The following SLC12A2 variants were observed in gnomAD, a reference collection of about 807,000 sequenced individuals.
SLC12A2 encodes the protein solute carrier family 12 member 2, also known as Na-K-2Cl cotransporter 1.
Under a neutral mutation model 136.3 loss-of-function variants are expected in SLC12A2, and 67 were observed. The observed-to-expected ratio is 0.49, with a 90% CI of 0.40 to 0.60. The LOEUF is 0.60. Ranked by LOEUF, SLC12A2 falls within the 20% of genes least tolerant of loss-of-function variation. The pLI, the probability that SLC12A2 is intolerant of heterozygous loss-of-function variation, is 0.00. For missense variants in SLC12A2, 1,322 were observed against 1,534.7 expected (o/e 0.86, Z 2.32); for synonymous variants, 619 against 562.9 (o/e 1.10, Z -1.41).
Position 128,084,136 on chromosome 5 carries a change from C to T in SLC12A2, c.182C>T (p.Pro61Leu), listed in dbSNP as rs1314538214. ...GGCGGCGGGGTCCGCGATGAGGGCC[C>T]CGCGGCGGCCGGGGACGGGCTGGGC... ...RDGGGVRDEG[P>L]AAAGDGLGRP... Residue 61 changes from proline to leucine, a missense_variant, in exon 1 of 27, where the codon CCC (proline) becomes CTC (leucine). This residue lies in a region of SLC12A2 where 358 missense variants were observed against 299.7 expected (regional missense o/e 1.19). Coordinates refer to ENST00000262461, the MANE Select transcript of SLC12A2 (RefSeq NM_001046.3). This position sits in a 1 kb window ranked among gnomAD's most constrained non-coding sequence, Gnocchi z 5.6. The T allele has an allele frequency of 1.5e-5, 19 of 1,297,288 alleles. No homozygotes were observed. Among genetic ancestry groups the T allele is most frequent in the Middle Eastern group, 3.0e-4 (1 of 3,354 alleles). The allele number at this position is 1,297,288 out of a possible 1,614,324, so 80.4% of individuals were successfully genotyped here.
chr5:128,181,914 T>C (rs892981685), intron 23 of SLC12A2, among the ~76,000 whole-genome samples: 8 of 152,028 alleles, frequency 5.3e-5, no homozygotes, highest in African/African-American at 1.9e-4. Flanking sequence ...TTCTTCATAG[T>C]GCCTTTCCTA....
chr5:128,179,203 T>C (rs1008516039), intron 22 of SLC12A2, among the ~76,000 whole-genome samples: 3 of 152,252 alleles, frequency 2.0e-5, no homozygotes, highest in African/African-American at 7.2e-5. Flanking sequence ...GAGGGATTAC[T>C]CTGAGACTAT....
rs750226853 is a variant in SLC12A2 at position 128,084,538 on chromosome 5, A to G, written c.584A>G (p.His195Arg). ...LHSGGGGGSGHHQHYYYDTHT... is the reference protein window; with the variant it reads ...LHSGGGGGSGRHQHYYYDTHT... The stretch of plus-strand genomic sequence containing the variant: ...TCCGGCGGCGGCGGCGGCAGTGGGC[A>G]CCACCAGCACTACTATTATGATACC... Residue 195 changes from histidine to arginine, a missense_variant, in exon 1 of 27, where the codon CAC becomes CGC. Physicochemically the swap from His to Arg is conservative, Grantham distance 29. Transcript: ENST00000262461. This position sits in a 1 kb window ranked among gnomAD's most constrained non-coding sequence, Gnocchi z 5.6. 9.3e-6 allele frequency: 15 copies of G among 1,613,628 alleles called. 1 individual carries two copies. The South Asian group carries it at 1.3e-4, about 14-fold the overall frequency.
At chr5:128,113,316 G>A (rs1354975591) in intron 2 of SLC12A2, among the ~76,000 whole-genome samples, 2 of 152,180 alleles carry the variant, frequency 1.3e-5, no homozygotes, top group East Asian at 1.9e-4. Context: ...AAATATGCCT[G>A]CTTCCTTTCA....
Position 128,084,908 on chromosome 5 carries a change from G to A in SLC12A2, c.756+198G>A, listed in dbSNP as rs1322643675. The stretch of plus-strand genomic sequence containing the variant: ...CTCTCAAAAGTTTGTAGCGGGTTTG[G>A]CTAGTTACGTGATACCGGAGGGCTG... On this transcript the variant is annotated intron_variant, in intron 1 of 26. Transcript: ENST00000262461. The surrounding 1 kb of genome is among the most constrained non-coding windows in gnomAD (Gnocchi z 5.6). 1.3e-5 allele frequency among the ~76,000 whole-genome samples: 2 copies of A among 151,006 alleles called. No homozygotes were observed. The highest frequency in any genetic ancestry group is 2.9e-5 in the Non-Finnish European group (2 of 67,852).
intron 22 of SLC12A2, 57 bp downstream of exon 22, chr5:128,178,746 T>G: frequency 3.2e-5 from 44 of 1,355,550 alleles, no homozygotes; most frequent in Admixed American, 5.3e-5. Flanking sequence ...GTGAGAATAG[T>G]AAGAAATGAC....
At chr5:128,151,524 A>C in intron 14 of SLC12A2, 128 bp downstream of exon 14, 2 of 807,946 alleles carry the variant, frequency 2.5e-6, no homozygotes, top group South Asian at 4.4e-5. Flanking sequence ...CTTTGTATAA[A>C]ACCTAAAATA....
intron 24 of SLC12A2, among the ~76,000 whole-genome samples, chr5:128,183,802 T>A (rs1209547067): frequency 6.6e-6 from 1 of 152,018 alleles, no homozygotes; most frequent in Non-Finnish European, 1.5e-5. Context: ...CTCAAAGGGA[T>A]CATGTTAGCT....
At chr5:128,184,710 TGTCTCCTTA>T in intron 25 of SLC12A2, 70 bp from the exon 26 acceptor site, 1 of 1,591,042 alleles carries the variant, frequency 6.3e-7, no homozygotes, top group African/African-American at 1.4e-5. Flanking sequence ...AGTTTCTTTT[TGTCTCCTTA>T]TAGTTTTATG....
At chr5:128,165,845 A>G (rs899127455) in intron 17 of SLC12A2, among the ~76,000 whole-genome samples, 1 of 151,726 alleles carries the variant, frequency 6.6e-6, no homozygotes, top group African/African-American at 2.4e-5. Flanking sequence ...ACCATTAAGA[A>G]GGTACTGGTT....
At chr5:128,128,122 T>A (rs552056519) in intron 4 of SLC12A2, among the ~76,000 whole-genome samples, 71 of 152,308 alleles carry the variant, frequency 4.7e-4, no homozygotes, top group East Asian at 1.2e-3. Context: ...TATTTAGGGA[T>A]CTTTCATGCA....
rs116621105 is a variant in SLC12A2, at chr5:128,131,145, A to G, written c.1127A>G (p.Asn376Ser). The G allele has an allele frequency of 6.8e-6, 11 of 1,614,134 alleles. No homozygotes were observed. Among genetic ancestry groups the G allele is most frequent in the African/African-American group, 1.3e-5 (1 of 75,032 alleles). Residue 376 changes from asparagine (N) to serine (S), a missense_variant, in exon 5 of 27, where the codon AAC (asparagine) becomes AGC (serine). By Grantham distance (46) the Asn-to-Ser change is conservative (BLOSUM62 1). Coordinates refer to ENST00000262461, the MANE Select transcript of SLC12A2 (RefSeq NM_001046.3). ...GAIGLIFAFANAVAVAMYVVG... is the reference protein window; with the variant it reads ...GAIGLIFAFASAVAVAMYVVG... Reference sequence around the variant, plus strand: ...ATTGGTCTAATCTTCGCCTTTGCCAACGCTGTTGCAGTTGCTATGTATGTG... The same window carrying G: ...ATTGGTCTAATCTTCGCCTTTGCCAGCGCTGTTGCAGTTGCTATGTATGTG...
chr5:128,088,565 TTGTG>T (rs61198548), intron 1 of SLC12A2, among the ~76,000 whole-genome samples: 14,947 of 151,988 alleles, frequency 0.098, 1,089 homozygotes, highest in East Asian at 0.25. Context: ...TGTTTGTTTT[TTGTG>T]TGTGTGTTTT....
intron 17 of SLC12A2, among the ~76,000 whole-genome samples, chr5:128,165,920 C>A (rs76980152): frequency 2.5e-4 from 1 of 4,006 alleles, no homozygotes; most frequent in Non-Finnish European, 4.1e-4. Flanking sequence ...CTTTTACCTC[C>A]CCCCCCCCCC....
At chr5:128,135,632 C>A in intron 6 of SLC12A2, 68 bp from the exon 7 acceptor site, 1 of 1,036,290 alleles carries the variant, frequency 9.6e-7, no homozygotes, top group Non-Finnish European at 1.5e-6. Flanking sequence ...AAGTTATATT[C>A]TAGGGGAATT....
chr5:128,110,932 C>T (rs1248278904), intron 1 of SLC12A2: 3 of 891,168 alleles, frequency 3.4e-6, no homozygotes, highest in African/African-American at 3.3e-5. Context: ...AAGGGTAGAA[C>T]CACAGACTGA....
chr5:128,152,538 T>G (rs1474265541), intron 14 of SLC12A2, among the ~76,000 whole-genome samples, 168 bp from the exon 15 acceptor site: 1 of 152,256 alleles, frequency 6.6e-6, no homozygotes, highest in Non-Finnish European at 1.5e-5. Context: ...GTTCAGATTA[T>G]CAGTCTTAAT....
At chr5:128,174,771 C>T (rs1194627481) in intron 20 of SLC12A2, 105 bp downstream of exon 20, 6 of 898,296 alleles carry the variant, frequency 6.7e-6, no homozygotes, top group Non-Finnish European at 7.9e-6. Flanking sequence ...TGTTCTCAAA[C>T]TTGTACTGGT....
intron 4 of SLC12A2, among the ~76,000 whole-genome samples, chr5:128,123,246 A>G (rs1257729537): frequency 6.6e-6 from 1 of 152,130 alleles, no homozygotes; most frequent in Admixed American, 6.5e-5. Context: ...GGAAGATTCC[A>G]TGTTTGTCAC....
Sources: gnomAD v4.1 joint callset for allele counts (sites outside exome capture counted in the v4.1 genomes callset) on GRCh38, gnomAD v4.1.1 for gene constraint, gnomAD v4.1.1 regional missense constraint, Gnocchi (gnomAD v3.1) non-coding constraint, MANE v1.5 for transcripts, NCBI Gene and HGNC (gene_info 2026-07-23, HGNC 2026-07-21) for gene names.